Variants in RNASEH2B observed in about 807,000 individuals in gnomAD.
RNASEH2B encodes the protein ribonuclease H2 subunit B.
Under a neutral mutation model 45.0 loss-of-function variants are expected in RNASEH2B, and 36 were observed. The observed-to-expected ratio is 0.80, with a 90% CI of 0.61 to 1.06. RNASEH2B has a LOEUF of 1.06. Ranked by LOEUF, RNASEH2B falls within the 50% of genes least tolerant of loss-of-function variation. RNASEH2B has a pLI of 0.00. For missense variants in RNASEH2B, 361 were observed against 360.3 expected (o/e 1.00, Z -0.02); for synonymous variants, 119 against 125.7 (o/e 0.95, Z 0.35).
chr13:50,912,778 A>C (rs1048673294), intron 1 of RNASEH2B: 2 of 152,206 alleles, frequency 1.3e-5, no homozygotes, highest in African/African-American at 4.8e-5. Context: ...GGATCTGAAG[A>C]ACTTACTTTG....
At chr13:50,942,476 C>G (rs1280659949) in intron 5 of RNASEH2B, 2 of 151,934 alleles carry the variant, frequency 1.3e-5, no homozygotes, top group African/African-American at 4.8e-5. Context: ...AGATTTTTTT[C>G]CTGAATGTAT....
chr13:50,919,387 G>A (rs541635781), intron 1 of RNASEH2B, among the ~76,000 whole-genome samples: 1 of 152,282 alleles, frequency 6.6e-6, no homozygotes, highest in South Asian at 2.1e-4. Flanking sequence ...GCATTATAAT[G>A]TCACAGATAT....
chr13:50,939,096 T>A (rs945972095), intron 5 of RNASEH2B: 1 of 152,512 alleles, frequency 6.6e-6, no homozygotes, highest in African/African-American at 2.4e-5. Context: ...GGCTCACGCC[T>A]GTAATCCCAG....
intron 1 of RNASEH2B, among the ~76,000 whole-genome samples, chr13:50,925,504 C>G (rs756073461): frequency 1.3e-5 from 2 of 152,106 alleles, no homozygotes; most frequent in African/African-American, 2.4e-5. Flanking sequence ...GAATTGGATA[C>G]TTTTAGGTCT....
exon 10 of RNASEH2B, chr13:50,970,006 C>T (rs1444301980): frequency 6.5e-7 from 1 of 1,539,588 alleles, no homozygotes; most frequent in Non-Finnish European, 8.8e-7. Context: ...TTCCCTGCAA[C>T]TTCAGACACT....
intron 9 of RNASEH2B, chr13:50,951,017 C>CGAAT (rs1431850162): frequency 6.6e-6 from 1 of 152,196 alleles, no homozygotes; most frequent in East Asian, 1.9e-4. Context: ...AATACATAAA[C>CGAAT]GAATGAGCAT....
intron 8 of RNASEH2B, 56 bp from the exon 9 acceptor site, chr13:50,949,407 C>CTGTT: frequency 1.3e-6 from 2 of 1,541,600 alleles, no homozygotes; most frequent in Non-Finnish European, 1.8e-6. Context: ...CCCTGTCTTT[C>CTGTT]TGTTTGTTTG....
chr13:50,929,754 T>C (rs1020243370), intron 3 of RNASEH2B, among the ~76,000 whole-genome samples, 172 bp downstream of exon 3: 5 of 152,142 alleles, frequency 3.3e-5, no homozygotes, highest in Non-Finnish European at 7.4e-5. Flanking sequence ...ATTTGAGCAC[T>C]AAGGTTAAGT....
intron 4 of RNASEH2B, among the ~76,000 whole-genome samples, chr13:50,933,458 AT>A (rs1425498084): frequency 6.6e-6 from 1 of 152,216 alleles, no homozygotes; most frequent in African/African-American, 2.4e-5. Flanking sequence ...TTAAAGTAAC[AT>A]TTGAGATGTT....
At chr13:50,914,452 A>G (rs1441645658) in intron 1 of RNASEH2B, among the ~76,000 whole-genome samples, 2 of 152,334 alleles carry the variant, frequency 1.3e-5, no homozygotes, top group Non-Finnish European at 2.9e-5. Context: ...TTTTTGGAAG[A>G]TGTGTCATTT....
chr13:50,948,116 G>A (rs1463626341), intron 8 of RNASEH2B, 48 bp downstream of exon 8: 1 of 1,604,096 alleles, frequency 6.2e-7, no homozygotes, highest in Non-Finnish European at 8.5e-7. Context: ...TTTGCTTCTT[G>A]GTTTCCCCAG....
intron 4 of RNASEH2B, among the ~76,000 whole-genome samples, chr13:50,931,123 AAG>A (rs1267033121): frequency 6.6e-6 from 1 of 152,210 alleles, no homozygotes; most frequent in Non-Finnish European, 1.5e-5. Flanking sequence ...ACATGTCTTA[AAG>A]AGTCTCTTCT....
Position 50,956,662 on chromosome 13 carries a change from A to G in RNASEH2B, c.*188A>G. 1.5e-6 allele frequency: 2 copies of G among 1,362,506 alleles called. No individual in the cohort carries two copies. Among genetic ancestry groups the G allele is most frequent in the Middle Eastern group, 2.9e-4 (1 of 3,484 alleles). The allele number at this position is 1,362,506 out of a possible 1,614,324, so 84.4% of individuals were successfully genotyped here. A position where few individuals can be genotyped will look rare whatever the true frequency, so the allele number is the denominator to read the frequency against. On this transcript the variant is annotated 3_prime_UTR_variant, in exon 11 of 11. Transcript: ENST00000336617. ...TGGGAAAGTGTCTAACTTCATGGCTATGGCCTTTTGGAGTCTCATCTGACA... is the reference window on the plus strand; with the variant it reads ...TGGGAAAGTGTCTAACTTCATGGCTGTGGCCTTTTGGAGTCTCATCTGACA...
chr13:50,957,220 A>G (rs1410276910), downstream of RNASEH2B, among the ~76,000 whole-genome samples: 1 of 152,038 alleles, frequency 6.6e-6, no homozygotes, highest in Non-Finnish European at 1.5e-5. Context: ...ATAGTACCCA[A>G]TGGGTAATTT....
At chr13:50,967,454 T>C (rs948999547) in intron 9 of RNASEH2B, among the ~76,000 whole-genome samples, 1 of 152,224 alleles carries the variant, frequency 6.6e-6, no homozygotes, top group Admixed American at 6.5e-5. Flanking sequence ...AACTTTGACA[T>C]GAATTTATGT....
At chr13:50,957,551 G>A (rs1251871034), downstream of RNASEH2B, among the ~76,000 whole-genome samples, 2 of 152,146 alleles carry the variant, frequency 1.3e-5, no homozygotes, top group Non-Finnish European at 2.9e-5. Flanking sequence ...AAGGAGTGCT[G>A]TGATGAACAT....
At chr13:50,960,032 A>C (rs920131369), downstream of RNASEH2B, 11 of 395,768 alleles carry the variant, frequency 2.8e-5, no homozygotes, top group Admixed American at 9.0e-5. Context: ...TCAAGTCTTA[A>C]GAATACCTTT....
At chr13:50,969,005 C>A (rs1371705618) in intron 9 of RNASEH2B, among the ~76,000 whole-genome samples, 1 of 152,106 alleles carries the variant, frequency 6.6e-6, no homozygotes, top group Non-Finnish European at 1.5e-5. Flanking sequence ...CATAAACAAG[C>A]AAAAGAAGCT....
At chr13:50,931,302 T>C (rs1364070548) in intron 4 of RNASEH2B, among the ~76,000 whole-genome samples, 1 of 152,176 alleles carries the variant, frequency 6.6e-6, no homozygotes, top group African/African-American at 2.4e-5. Context: ...AGAAGTTCTG[T>C]AATATTTTGG....
Sources: gnomAD v4.1 joint callset for allele counts (sites outside exome capture counted in the v4.1 genomes callset) on GRCh38, gnomAD v4.1.1 for gene constraint, MANE v1.5 for transcripts, NCBI Gene and HGNC (gene_info 2026-07-23, HGNC 2026-07-21) for gene names.